Variants in C6orf89 observed in about 807,000 individuals in gnomAD.
The protein encoded by C6orf89 is chromosome 6 open reading frame 89, also known as bombesin receptor-activated protein C6orf89.
A neutral mutation model predicts 40.7 loss-of-function variants in C6orf89; 29 were observed. The ratio of observed to expected loss-of-function variants is 0.71; its 90% CI spans 0.53 to 0.97. C6orf89 has a LOEUF of 0.97. Ranked by LOEUF, C6orf89 falls within the 50% of genes least tolerant of loss-of-function variation. C6orf89 has a pLI of 0.00. For missense variants in C6orf89, 392 were observed against 429.1 expected (o/e 0.91, Z 0.76); for synonymous variants, 165 against 152.2 (o/e 1.08, Z -0.62).
At chr6:36,910,806 A>C (rs1378597591) in intron 4 of C6orf89, among the ~76,000 whole-genome samples, 3 of 151,958 alleles carry the variant, frequency 2.0e-5, no homozygotes, top group Non-Finnish European at 2.9e-5. Context: ...TGGGATTACA[A>C]GCATCAGCCA....
At chr6:36,916,354 CCA>C in intron 6 of C6orf89, 89 bp from the exon 7 acceptor site, 1 of 1,516,376 alleles carries the variant, frequency 6.6e-7, no homozygotes, top group Non-Finnish European at 9.0e-7. Flanking sequence ...TACCCACCGC[CCA>C]CAGTTTTCCC....
chr6:36,887,000 G>C (rs908780994), intron 1 of C6orf89, among the ~76,000 whole-genome samples: 1 of 151,766 alleles, frequency 6.6e-6, no homozygotes, highest in African/African-American at 2.4e-5. Context: ...TTCAAGACCT[G>C]CTTTGAATAC....
At chr6:36,892,757 C>G (rs543302153) in intron 1 of C6orf89, 3 of 152,184 alleles carry the variant, frequency 2.0e-5, no homozygotes, top group Non-Finnish European at 4.4e-5. Context: ...CCTGCCTGTG[C>G]CCTTGCAGGT....
chr6:36,898,570 C>T (rs1205966350), intron 2 of C6orf89, among the ~76,000 whole-genome samples: 2 of 151,946 alleles, frequency 1.3e-5, no homozygotes, highest in Admixed American at 6.6e-5. Flanking sequence ...CGAGCTATTG[C>T]GTCCAGCCTT....
rs1207275096 is a variant in C6orf89, at chr6:36,914,498, G to A, written c.556-56G>A. The A allele has an allele frequency of 6.8e-6, 11 of 1,611,938 alleles. No homozygotes were observed. The Middle Eastern group carries it at 9.9e-4, about 145-fold the overall frequency. ...TGCTTAAAGGCTAGGTCAAGCTCTA[G>A]GAAATTTCTGACAAGTAACTCTGTG... On this transcript the variant is annotated intron_variant, in intron 5 of 8. Transcript: ENST00000480824.
intron 8 of C6orf89, among the ~76,000 whole-genome samples, chr6:36,921,993 A>G (rs1198259083): frequency 6.6e-6 from 1 of 152,106 alleles, no homozygotes; most frequent in African/African-American, 2.4e-5. Flanking sequence ...GCACCGCTGC[A>G]CTCCAGCCTG....
At chr6:36,874,630 C>A in intron 1 of C6orf89, 1 of 1,543,326 alleles carries the variant, frequency 6.5e-7, no homozygotes, top group East Asian at 2.3e-5. Flanking sequence ...GCCGGCCTCC[C>A]GGAGGAACGC....
intron 2 of C6orf89, among the ~76,000 whole-genome samples, chr6:36,895,715 A>G (rs1761399614): frequency 6.6e-6 from 1 of 152,222 alleles, no homozygotes; most frequent in Admixed American, 6.5e-5. Flanking sequence ...TTTGCATTAT[A>G]TGGCTCTACC....
chr6:36,882,503 G>A (rs1400626653), upstream of C6orf89, among the ~76,000 whole-genome samples: 1 of 152,142 alleles, frequency 6.6e-6, no homozygotes, highest in Non-Finnish European at 1.5e-5. Context: ...TCCTTCTTGA[G>A]TCCTTAAAGC....
chr6:36,898,795 A>G (rs894985657), intron 2 of C6orf89, among the ~76,000 whole-genome samples: 26 of 152,200 alleles, frequency 1.7e-4, no homozygotes, highest in African/African-American at 5.8e-4. Flanking sequence ...TTGTATTTGT[A>G]GAAAAGCATG....
At chr6:36,901,970 C>T (rs1331854143) in intron 3 of C6orf89, among the ~76,000 whole-genome samples, 4 of 152,226 alleles carry the variant, frequency 2.6e-5, no homozygotes, top group African/African-American at 9.6e-5. Flanking sequence ...CATGCCCAGC[C>T]TGTGTATTTT....
rs768556370 is a variant in C6orf89, at chr6:36,914,654, G to A, written c.656G>A (p.Arg219His). 3.0e-5 allele frequency: 48 copies of A among 1,614,074 alleles called. No individual in the cohort carries two copies. The highest frequency in any genetic ancestry group is 2.2e-4 in the South Asian group (20 of 91,088). ...FSEGFFAKWW[R>H]CFPERWFPFP... ...GAAGGGTTTTTCGCCAAGTGGTGGC[G>A]CTGCTTTCCTGAGCGGTGGTTCCCA... The change falls in exon 6 of 9, where the codon CGC becomes CAC. Residue 219 changes from arginine to histidine, a missense_variant. Arg to His is a conservative substitution (Grantham distance 29). Coordinates refer to ENST00000480824, the MANE Select transcript of C6orf89 (RefSeq NM_001286635.2).
At chr6:36,904,118 A>G (rs1451731767) in intron 4 of C6orf89, among the ~76,000 whole-genome samples, 1 of 151,788 alleles carries the variant, frequency 6.6e-6, no homozygotes, top group Non-Finnish European at 1.5e-5. Context: ...CCTAACGGCA[A>G]CTCCTGATGA....
In C6orf89 at chr6:36,894,623, A is replaced by G. The variant is rs753571746; in HGVS notation, c.-20+20A>G. On this transcript the variant is annotated intron_variant, in intron 2 of 8. Transcript: ENST00000480824. Reference sequence around the variant, plus strand: ...AACTTGGTAAGGGAGGCAGCATGCAACAACCCTGAAGTCAGGACACTTGGG... The same window carrying G: ...AACTTGGTAAGGGAGGCAGCATGCAGCAACCCTGAAGTCAGGACACTTGGG... 1.9e-4 allele frequency: 174 copies of G among 939,700 alleles called. No individual in the cohort carries two copies. The highest frequency in any genetic ancestry group is 2.1e-4 in the Non-Finnish European group (163 of 788,440). 58.2% of individuals were successfully genotyped at this position (939,700 alleles called of 1,614,324 possible). A position where few individuals can be genotyped will look rare whatever the true frequency, so the allele number is the denominator to read the frequency against.
At chr6:36,922,982 G>A (rs563907472) in intron 8 of C6orf89, among the ~76,000 whole-genome samples, 24 of 152,278 alleles carry the variant, frequency 1.6e-4, no homozygotes, top group Admixed American at 3.3e-4. Flanking sequence ...ATTTAAAGAG[G>A]ACTGATAATA....
At chr6:36,892,428 A>G (rs1354571555) in intron 1 of C6orf89, among the ~76,000 whole-genome samples, 1 of 152,114 alleles carries the variant, frequency 6.6e-6, no homozygotes, top group Non-Finnish European at 1.5e-5. Context: ...CTGAGCCTCT[A>G]ACTTCTGGCC....
intron 6 of C6orf89, among the ~76,000 whole-genome samples, chr6:36,915,684 C>T (rs1372590130): frequency 9.5e-5 from 14 of 146,916 alleles, no homozygotes; most frequent in South Asian, 4.3e-4. Context: ...CCAGCCTGGG[C>T]GACAAAGTGA....
upstream of C6orf89, among the ~76,000 whole-genome samples, chr6:36,880,914 A>T (rs1338847619): frequency 6.6e-6 from 1 of 152,230 alleles, no homozygotes; most frequent in Non-Finnish European, 1.5e-5. Context: ...GTTGTGAAAA[A>T]ATTTATGAAA....
chr6:36,910,137 T>C (rs1411167019), intron 4 of C6orf89, among the ~76,000 whole-genome samples: 1 of 152,098 alleles, frequency 6.6e-6, no homozygotes, highest in African/African-American at 2.4e-5. Context: ...TCTAGCTTTT[T>C]TTTTTTTGAG....
Sources: allele counts gnomAD v4.1 joint callset (sites outside exome capture counted in the v4.1 genomes callset), GRCh38; gene constraint gnomAD v4.1.1; transcripts MANE v1.5; gene names NCBI Gene and HGNC (gene_info 2026-07-23, HGNC 2026-07-21).